RBPMS: variants seen among roughly 807,000 people sequenced by gnomAD.
RBPMS encodes the protein RNA binding protein, mRNA processing factor.
In RBPMS, 7 loss-of-function variants were observed where a neutral mutation model predicts 26.8. That is an observed-to-expected ratio of 0.26 (90% CI 0.15 to 0.49). The LOEUF is 0.49. RBPMS is among the 20% of genes least tolerant of loss of function. RBPMS has a pLI of 0.98. For synonymous variants in RBPMS, 96 were observed against 93.3 expected, an observed-to-expected ratio of 1.03 and a Z score of -0.17; for missense variants, 186 against 250.0, an observed-to-expected ratio of 0.74 and a Z score of 1.73.
chr8:30,482,619 C>T (rs1487917437), intron 4 of RBPMS, among the ~76,000 whole-genome samples: 1 of 152,134 alleles, frequency 6.6e-6, no homozygotes, highest in African/African-American at 2.4e-5. Context: ...GGGAATTAAA[C>T]CTTCTAAAGT....
intron 1 of RBPMS, among the ~76,000 whole-genome samples, chr8:30,409,279 T>C (rs1034930777): frequency 6.6e-6 from 1 of 151,950 alleles, no homozygotes; most frequent in Non-Finnish European, 1.5e-5. Flanking sequence ...CCGCAACTTC[T>C]GCCTCCTGGG....
chr8:30,544,353 A>G, intron 5 of RBPMS, 141 bp from the exon 6 acceptor site: 1 of 859,462 alleles, frequency 1.2e-6, no homozygotes, highest in Non-Finnish European at 1.9e-6. Context: ...ACCAAAGCCA[A>G]CAAACAACAG....
intron 1 of RBPMS, among the ~76,000 whole-genome samples, chr8:30,388,149 C>T (rs1403484837): frequency 1.3e-5 from 2 of 151,906 alleles, no homozygotes; most frequent in African/African-American, 4.8e-5. Flanking sequence ...AGCAAGTTGT[C>T]CTGTAAAGAC....
intron 1 of RBPMS, among the ~76,000 whole-genome samples, chr8:30,449,567 C>T (rs915157846): frequency 1.3e-5 from 2 of 152,152 alleles, no homozygotes; most frequent in African/African-American, 4.8e-5. Context: ...TACAGGCTTT[C>T]GCCATGTTGG....
At chr8:30,385,818 A>G (rs1348429518) in intron 1 of RBPMS, among the ~76,000 whole-genome samples, 2 of 152,300 alleles carry the variant, frequency 1.3e-5, no homozygotes, top group Middle Eastern at 3.4e-3. Flanking sequence ...GGGTATTTTC[A>G]TAGGACTTTG....
At chr8:30,547,170 A>G in intron 6 of RBPMS, 5 of 720,750 alleles carry the variant, frequency 6.9e-6, no homozygotes, top group Admixed American at 2.5e-5. Flanking sequence ...ATCTCCCCAT[A>G]TTGGAGAATT....
At chr8:30,567,586 G>A (rs1019505075) in intron 8 of RBPMS, among the ~76,000 whole-genome samples, 4 of 152,224 alleles carry the variant, frequency 2.6e-5, no homozygotes, top group Admixed American at 1.3e-4. Flanking sequence ...AACCAGTTAA[G>A]CCACTTGCAC....
At chr8:30,482,066 A>G (rs1419427295) in intron 4 of RBPMS, among the ~76,000 whole-genome samples, 4 of 152,230 alleles carry the variant, frequency 2.6e-5, no homozygotes, top group Admixed American at 6.5e-5. Context: ...GTCCAGGACA[A>G]ATTGCCACCA....
intron 1 of RBPMS, among the ~76,000 whole-genome samples, chr8:30,440,472 C>A (rs1812946294): frequency 1.3e-5 from 2 of 152,302 alleles, no homozygotes; most frequent in South Asian, 4.1e-4. Context: ...GGCTTTAAGT[C>A]AGCCTAATGT....
At chr8:30,555,916 C>T (rs976983889) in intron 6 of RBPMS, 3 of 985,450 alleles carry the variant, frequency 3.0e-6, no homozygotes, top group Non-Finnish European at 3.6e-6. Context: ...TCCCCCCCAC[C>T]GGGCCGGCTG....
intron 1 of RBPMS, among the ~76,000 whole-genome samples, chr8:30,419,307 A>G (rs1810463090): frequency 1.3e-5 from 2 of 152,092 alleles, no homozygotes; most frequent in Non-Finnish European, 2.9e-5. Flanking sequence ...TTATCCGGGC[A>G]TGGTGGTGCA....
chr8:30,543,642 C>A (rs1825617283), intron 5 of RBPMS, among the ~76,000 whole-genome samples: 1 of 152,148 alleles, frequency 6.6e-6, no homozygotes, highest in Non-Finnish European at 1.5e-5. Context: ...TTTGCCTTTC[C>A]TGAGAAGCTC....
intron 5 of RBPMS, among the ~76,000 whole-genome samples, chr8:30,516,903 T>C (rs1434335933): frequency 2.0e-5 from 3 of 147,288 alleles, no homozygotes; most frequent in Non-Finnish European, 4.5e-5. Context: ...CATCTCTAAA[T>C]ACACACACAC....
intron 4 of RBPMS, among the ~76,000 whole-genome samples, chr8:30,483,427 C>T (rs1818476596): frequency 6.6e-6 from 1 of 152,084 alleles, no homozygotes; most frequent in Non-Finnish European, 1.5e-5. Context: ...TAGTAATTTG[C>T]TTTACTCTCA....
intron 4 of RBPMS, among the ~76,000 whole-genome samples, chr8:30,488,616 G>T (rs932041254): frequency 2.0e-5 from 3 of 152,138 alleles, no homozygotes; most frequent in Admixed American, 1.3e-4. Context: ...GGAAAATGTT[G>T]ATTTTAACAA....
intron 4 of RBPMS, among the ~76,000 whole-genome samples, chr8:30,496,232 G>C (rs1326493414): frequency 9.3e-5 from 14 of 149,986 alleles, no homozygotes; most frequent in Non-Finnish European, 4.4e-5. Flanking sequence ...GCAGTGGCAT[G>C]ATCTCAGCTC....
intron 5 of RBPMS, among the ~76,000 whole-genome samples, chr8:30,531,998 T>A (rs968554053): frequency 2.0e-5 from 3 of 152,186 alleles, no homozygotes; most frequent in Non-Finnish European, 2.9e-5. Context: ...TTTGAGCAGA[T>A]CACATTTCCC....
At chr8:30,454,741 A>G (rs1477841127) in intron 1 of RBPMS, among the ~76,000 whole-genome samples, 1 of 152,180 alleles carries the variant, frequency 6.6e-6, no homozygotes, top group Non-Finnish European at 1.5e-5. Flanking sequence ...TGTTGAATCT[A>G]TTATTTGTGT....
At chr8:30,516,245 T>G (rs531183368) in intron 5 of RBPMS, among the ~76,000 whole-genome samples, 1 of 152,046 alleles carries the variant, frequency 6.6e-6, no homozygotes, top group South Asian at 2.1e-4. Flanking sequence ...CCGGCTGTGG[T>G]GGAGGGTGGG....
Sources: gnomAD v4.1 joint callset for allele counts (sites outside exome capture counted in the v4.1 genomes callset) on GRCh38, gnomAD v4.1.1 for gene constraint, MANE v1.5 for transcripts, NCBI Gene and HGNC (gene_info 2026-07-23, HGNC 2026-07-21) for gene names.